The following PTPRN2 variants were observed in gnomAD, a reference collection of about 807,000 sequenced individuals.
PTPRN2 encodes receptor-type tyrosine-protein phosphatase N2.
PTPRN2 carries 74 observed loss-of-function variants against 118.8 expected under a neutral mutation model. That is an observed-to-expected ratio of 0.62 (90% confidence interval 0.52 to 0.76). The LOEUF (loss-of-function observed/expected upper bound fraction) is 0.76, where lower values mean the gene tolerates loss of function less well. Ranked by LOEUF, PTPRN2 falls within the 30% of genes least tolerant of loss-of-function variation. PTPRN2 has a pLI of 0.00. For missense variants in PTPRN2, 1,481 were observed against 1,394.4 expected, an observed-to-expected ratio of 1.06 and a Z score of -0.99; for synonymous variants, 641 against 608.0, an observed-to-expected ratio of 1.05 and a Z score of -0.80.
chr7:158,375,358 C>A (rs191383039), intron 2 of PTPRN2, among the ~76,000 whole-genome samples: 132 of 152,304 alleles, frequency 8.7e-4, no homozygotes, highest in Admixed American at 2.9e-3. Context: ...ATGAGGGCAG[C>A]AGACAAGGCA....
At chr7:157,824,250 C>G (rs1405464724) in intron 12 of PTPRN2, among the ~76,000 whole-genome samples, 1 of 152,084 alleles carries the variant, frequency 6.6e-6, no homozygotes, top group Non-Finnish European at 1.5e-5. Flanking sequence ...GAGTCACCCT[C>G]CTGAAGGTAG....
intron 1 of PTPRN2, among the ~76,000 whole-genome samples, chr7:158,567,758 G>A (rs1586955243): frequency 6.6e-6 from 1 of 152,084 alleles, no homozygotes; most frequent in Non-Finnish European, 1.5e-5. Context: ...GAACACTGGG[G>A]GCTGCACCCC....
chr7:158,104,958 T>G (rs1338200993), intron 10 of PTPRN2, among the ~76,000 whole-genome samples: 2 of 111,500 alleles, frequency 1.8e-5, no homozygotes, highest in African/African-American at 7.1e-5. Flanking sequence ...TCCACCCTTA[T>G]CCAAACTCCA....
At chr7:158,370,384 C>T (rs1280127796) in intron 2 of PTPRN2, among the ~76,000 whole-genome samples, 3 of 151,876 alleles carry the variant, frequency 2.0e-5, no homozygotes, top group African/African-American at 7.3e-5. Context: ...TGCAGTGAGC[C>T]GAGATTGTAC....
Position 158,166,933 on chromosome 7 carries a change from T to A in PTPRN2, c.908A>T (p.Asp303Val). ...AACACCAAGCGGGGCTGGCTCACCA[T>A]CGCCTGTGCTGGAGGGGTCTTCGGA... ...GDSEDPSSTG[D>V]GARIHTLLKD... Residue 303 changes from aspartate (D) to valine (V), a missense_variant and splice_region_variant, in exon 6 of 23, where the codon GAT (aspartate) becomes GTT (valine). Transcript: ENST00000389418. 1 of 1,426,036 alleles carries A rather than the reference T, an allele frequency of 7.0e-7. No homozygotes were observed. The highest frequency in any genetic ancestry group is 9.2e-7 in the Non-Finnish European group (1 of 1,084,252). The allele number at this position is 1,426,036 out of a possible 1,614,324, so 88.3% of individuals were successfully genotyped here. A position where few individuals can be genotyped will look rare whatever the true frequency, so the allele number is the denominator to read the frequency against.
chr7:158,002,476 C>T (rs1048925930), intron 11 of PTPRN2, among the ~76,000 whole-genome samples: 20 of 152,118 alleles, frequency 1.3e-4, no homozygotes, highest in African/African-American at 3.9e-4. Context: ...GTACAGTGGA[C>T]GGCGCCTCGT....
intron 11 of PTPRN2, chr7:158,028,608 C>T (rs1490594797): frequency 6.6e-6 from 1 of 152,340 alleles, no homozygotes; most frequent in African/African-American, 2.4e-5. Flanking sequence ...CGGAGACAGG[C>T]GGACTCCACT....
chr7:157,827,667 G>C (rs1323464897), intron 12 of PTPRN2, among the ~76,000 whole-genome samples: 3 of 152,244 alleles, frequency 2.0e-5, no homozygotes, highest in Non-Finnish European at 1.5e-5. Flanking sequence ...AGTGTGCTCT[G>C]CAGATGTTCC....
chr7:158,071,456 T>TGGAGGTGCTCGTGGTG (rs1585337803), intron 11 of PTPRN2, among the ~76,000 whole-genome samples: 4 of 20,188 alleles, frequency 2.0e-4, no homozygotes, highest in Admixed American at 5.9e-4. Context: ...TGCTCGTGGT[T>TGGAGGTGCTCGTGGTG]GAGGTGCTCG....
chr7:157,736,110 C>T (rs1203861848), intron 12 of PTPRN2, among the ~76,000 whole-genome samples: 2 of 152,216 alleles, frequency 1.3e-5, no homozygotes, highest in Non-Finnish European at 2.9e-5. Flanking sequence ...AGCTTCACCA[C>T]TGGTAGCCCC....
At chr7:158,552,545 G>A (rs1215970075) in intron 1 of PTPRN2, among the ~76,000 whole-genome samples, 2 of 152,186 alleles carry the variant, frequency 1.3e-5, no homozygotes, top group African/African-American at 4.8e-5. Flanking sequence ...TTCCTCTCTG[G>A]TTCAAGCGAT....
chr7:157,743,545 G>C lies in PTPRN2; in HGVS notation c.1789-60608C>G, dbSNP rs1055264641. On this transcript the variant is annotated intron_variant, in intron 12 of 22. Transcript: ENST00000389418. ...GGCTGGGATAACAATTTCCAGGTTG[G>C]CTGAGTTGGGCTCCTGGCAAGCCAT... 2.0e-5 allele frequency among the ~76,000 whole-genome samples: 3 copies of C among 151,916 alleles called. 1 individual carries two copies. The highest frequency in any genetic ancestry group is 2.9e-5 in the Non-Finnish European group (2 of 67,974).
At chr7:158,434,300 G>A (rs1324048539) in intron 2 of PTPRN2, among the ~76,000 whole-genome samples, 1 of 152,110 alleles carries the variant, frequency 6.6e-6, no homozygotes, top group African/African-American at 2.4e-5. Context: ...GCATAAAAAT[G>A]TGCATTATTC....
chr7:157,621,150 CCGGTGCTGG>C (rs1803181276), intron 15 of PTPRN2, among the ~76,000 whole-genome samples: 3 of 142,420 alleles, frequency 2.1e-5, no homozygotes, highest in Admixed American at 6.9e-5. Context: ...CCTCCCGCCC[CCGGTGCTGG>C]TATGTACAGG....
intron 3 of PTPRN2, among the ~76,000 whole-genome samples, chr7:158,240,765 G>T (rs535115511): frequency 6.6e-6 from 1 of 152,172 alleles, no homozygotes; most frequent in Non-Finnish European, 1.5e-5. Context: ...GGCTTCCTTC[G>T]AACTTTACCC....
intron 2 of PTPRN2, among the ~76,000 whole-genome samples, chr7:158,462,061 C>T (rs1670369): frequency 0.47 from 33,700 of 72,174 alleles, 7,363 homozygotes; most frequent in Admixed American, 0.53. Context: ...TTTCAGACCC[C>T]CTGTGCTTCC....
chr7:158,406,043 G>A (rs60203215), intron 2 of PTPRN2, among the ~76,000 whole-genome samples: 2,063 of 126,072 alleles, frequency 0.016, 53 homozygotes, highest in Middle Eastern at 0.046. Context: ...TGGCTCATCC[G>A]TGAGACACGT....
At chr7:158,110,049 G>A (rs899740143) in intron 10 of PTPRN2, among the ~76,000 whole-genome samples, 4 of 149,778 alleles carry the variant, frequency 2.7e-5, no homozygotes, top group East Asian at 1.9e-4. Flanking sequence ...AGGGGCCAGT[G>A]AGTGAACAAC....
intron 11 of PTPRN2, among the ~76,000 whole-genome samples, chr7:157,930,873 TC>T (rs1799313031): frequency 6.6e-6 from 1 of 151,818 alleles, no homozygotes; most frequent in East Asian, 1.9e-4. Flanking sequence ...TATATTGCCT[TC>T]CCTACATTTT....
Sources: gnomAD v4.1 joint callset for allele counts (sites outside exome capture counted in the v4.1 genomes callset) on GRCh38, gnomAD v4.1.1 for gene constraint, MANE v1.5 for transcripts, NCBI Gene and HGNC (gene_info 2026-07-23, HGNC 2026-07-21) for gene names.